Variants in CDK14 observed in about 807,000 individuals in gnomAD.
CDK14 encodes cyclin-dependent kinase 14.
Under a neutral mutation model 60.7 loss-of-function variants are expected in CDK14, and 34 were observed. The observed-to-expected ratio is 0.56, with a 90% confidence interval of 0.43 to 0.75. The LOEUF (loss-of-function observed/expected upper bound fraction) is 0.75, where lower values mean the gene tolerates loss of function less well. CDK14 is among the 30% of genes least tolerant of loss of function. The pLI is 0.00. For synonymous variants in CDK14, 197 were observed against 203.7 expected (o/e 0.97, Z 0.28); for missense variants, 482 against 564.1 (o/e 0.85, Z 1.47).
intron 5 of CDK14, among the ~76,000 whole-genome samples, chr7:90,848,953 C>T (rs1348647390): frequency 6.6e-6 from 1 of 152,128 alleles, no homozygotes; most frequent in Non-Finnish European, 1.5e-5. Flanking sequence ...TCCTTCTTGT[C>T]CCTTTTCTTA....
intron 10 of CDK14, among the ~76,000 whole-genome samples, chr7:91,019,114 T>G (rs1796375427): frequency 6.6e-6 from 1 of 151,364 alleles, no homozygotes; most frequent in Non-Finnish European, 1.5e-5. Flanking sequence ...AGAAAGAGAG[T>G]TTTTAGCAGA....
At chr7:90,895,364 T>TCCTCCCCCCC (rs1792275002) in intron 6 of CDK14, among the ~76,000 whole-genome samples, 1 of 7,472 alleles carries the variant, frequency 1.3e-4, no homozygotes, top group Non-Finnish European at 2.8e-4. Flanking sequence ...TCCTCACCTC[T>TCCTCCCCCCC]CCTCCCCTCC....
intron 12 of CDK14, among the ~76,000 whole-genome samples, chr7:91,103,825 C>CGA (rs552559679): frequency 1.2e-4 from 15 of 123,808 alleles, no homozygotes; most frequent in East Asian, 2.3e-4. Context: ...GCAAGGAGAC[C>CGA]GAGAGAGAGA....
chr7:90,772,083 T>A (rs1373921384), intron 4 of CDK14, among the ~76,000 whole-genome samples: 1 of 152,194 alleles, frequency 6.6e-6, no homozygotes, highest in Non-Finnish European at 1.5e-5. Flanking sequence ...AACATTTGGA[T>A]ATAGTCTCTG....
chr7:90,900,391 C>T (rs928967928), intron 7 of CDK14, among the ~76,000 whole-genome samples: 1 of 151,940 alleles, frequency 6.6e-6, no homozygotes, highest in Non-Finnish European at 1.5e-5. Context: ...AAATGTGTAA[C>T]CATTAACATA....
intron 10 of CDK14, among the ~76,000 whole-genome samples, chr7:91,040,223 G>C (rs1489101652): frequency 6.6e-6 from 1 of 152,186 alleles, no homozygotes; most frequent in South Asian, 2.1e-4. Flanking sequence ...TGGCTCCTCT[G>C]CATTTCCACC....
At chr7:91,126,886 C>G (rs1009761398) in intron 14 of CDK14, among the ~76,000 whole-genome samples, 1 of 151,664 alleles carries the variant, frequency 6.6e-6, no homozygotes, top group African/African-American at 2.4e-5. Context: ...CTGTGAAGAT[C>G]ATTTGCTGGA....
intron 9 of CDK14, chr7:90,979,286 T>G (rs1795163433): frequency 6.6e-6 from 1 of 152,190 alleles, no homozygotes; most frequent in Non-Finnish European, 1.5e-5. Context: ...TTTTTAGACT[T>G]TTCTTCTATT....
intron 10 of CDK14, among the ~76,000 whole-genome samples, chr7:91,016,085 C>G (rs1796296126): frequency 6.6e-6 from 1 of 152,168 alleles, no homozygotes; most frequent in Admixed American, 6.5e-5. Context: ...TAGATCCCTG[C>G]TGCTAACACC....
chr7:90,933,558 A>G (rs1328980614), intron 8 of CDK14, among the ~76,000 whole-genome samples: 3 of 152,234 alleles, frequency 2.0e-5, no homozygotes, highest in Non-Finnish European at 4.4e-5. Context: ...CTGAGAAAAT[A>G]GACAATTTAT....
At chr7:91,192,194 A>C (rs1316524728) in intron 14 of CDK14, among the ~76,000 whole-genome samples, 1 of 152,192 alleles carries the variant, frequency 6.6e-6, no homozygotes, top group Non-Finnish European at 1.5e-5. Context: ...AATCATCAGA[A>C]TGCCAAGCCT....
At chr7:90,913,281 T>G (rs747006174) in intron 7 of CDK14, among the ~76,000 whole-genome samples, 19 of 152,222 alleles carry the variant, frequency 1.2e-4, no homozygotes, top group Non-Finnish European at 2.6e-4. Flanking sequence ...CCATGGGGCA[T>G]TCCATTGAAT....
At chr7:90,757,742 C>A (rs1391101793) in intron 4 of CDK14, among the ~76,000 whole-genome samples, 1 of 152,056 alleles carries the variant, frequency 6.6e-6, no homozygotes, top group East Asian at 1.9e-4. Context: ...GCTGGGACTA[C>A]AGGCACGTGC....
At chr7:90,874,226 T>C (rs1791472995) in intron 6 of CDK14, among the ~76,000 whole-genome samples, 1 of 152,012 alleles carries the variant, frequency 6.6e-6, no homozygotes, top group Non-Finnish European at 1.5e-5. Flanking sequence ...GTGTGCGAGA[T>C]TTTTGTTGTT....
At chr7:90,864,995 A>G (rs1276747291) in intron 6 of CDK14, among the ~76,000 whole-genome samples, 1 of 152,066 alleles carries the variant, frequency 6.6e-6, no homozygotes, top group African/African-American at 2.4e-5. Context: ...ATTGAGGCCA[A>G]CTTGGGTCAT....
rs188549130 is a variant in CDK14 at position 90,654,038 on chromosome 7, G to A, written c.123+49789G>A. ...CTGCATAGGATTCTATGGTGTGTAT[G>A]TGCCACATTTTCTTAATTCAGTCTG... is the stretch of plus-strand genomic sequence containing the variant. On this transcript the variant is annotated intron_variant, in intron 2 of 14. Transcript: ENST00000380050. Among the ~76,000 whole-genome samples the A allele has an allele frequency of 3.0e-3, 464 of 152,282 alleles. 8 individuals carry two copies. In the South Asian group the frequency reaches 0.032, roughly 11 times the overall value.
At chr7:90,723,173 C>T (rs151021376) in intron 2 of CDK14, among the ~76,000 whole-genome samples, 77 of 152,244 alleles carry the variant, frequency 5.1e-4, no homozygotes, top group Non-Finnish European at 9.1e-4. Context: ...CTGAATTTAT[C>T]AAATGCTTTT....
intron 2 of CDK14, among the ~76,000 whole-genome samples, chr7:90,640,926 T>C (rs1255634431): frequency 1.3e-5 from 2 of 152,144 alleles, no homozygotes; most frequent in Non-Finnish European, 2.9e-5. Flanking sequence ...ATTAAAATTC[T>C]TGGCAAAGGA....
chr7:90,792,432 G>C (rs1381234924), intron 5 of CDK14, among the ~76,000 whole-genome samples: 1 of 152,074 alleles, frequency 6.6e-6, no homozygotes, highest in Non-Finnish European at 1.5e-5. Flanking sequence ...GGAATACAAG[G>C]CTAGTTTAAT....
Sources: allele counts gnomAD v4.1 joint callset (sites outside exome capture counted in the v4.1 genomes callset), GRCh38; gene constraint gnomAD v4.1.1; transcripts MANE v1.5; gene names NCBI Gene and HGNC (gene_info 2026-07-23, HGNC 2026-07-21).